Variants in MSI1 observed in about 807,000 individuals in gnomAD.
MSI1 encodes the protein RNA-binding protein Musashi homolog 1.
In MSI1, 15 loss-of-function variants were observed where a neutral mutation model predicts 54.4. The ratio of observed to expected loss-of-function variants is 0.28; its 90% CI spans 0.18 to 0.42. MSI1 has a LOEUF of 0.42. Ranked by LOEUF, MSI1 falls within the 20% of genes least tolerant of loss-of-function variation. MSI1 has a pLI of 1.00. For synonymous variants in MSI1, 200 were observed against 196.5 expected (o/e 1.02, Z -0.15); for missense variants, 304 against 506.0 (o/e 0.60, Z 3.83).
chr12:120,358,900 T>A (rs1179445), intron 7 of MSI1, 105 bp downstream of exon 7: 939,175 of 1,308,314 alleles, frequency 0.72, 338,915 homozygotes, highest in Admixed American at 0.79. Flanking sequence ...ACGCAGATCC[T>A]GGGGGATAGG....
chr12:120,366,017 A>C (rs925262260), intron 4 of MSI1, among the ~76,000 whole-genome samples: 3 of 152,148 alleles, frequency 2.0e-5, no homozygotes, highest in Non-Finnish European at 4.4e-5. Context: ...AGAGGGAAAA[A>C]TCAAGATGCA....
At chr12:120,358,978 T>C in intron 7 of MSI1, 27 bp downstream of exon 7, 1 of 1,563,800 alleles carries the variant, frequency 6.4e-7, no homozygotes, top group Non-Finnish European at 8.7e-7. Context: ...GGGCCCAGCC[T>C]GGGAAGGGGG....
Position 120,363,061 on chromosome 12 carries a change from A to G in MSI1, c.384T>C (p.Tyr128=), listed in dbSNP as rs781722863. The G allele has an allele frequency of 3.1e-6, 5 of 1,614,008 alleles. No individual in the cohort carries two copies. Among genetic ancestry groups the G allele is most frequent in the East Asian group, 2.2e-5 (1 of 44,864 alleles). The change falls in exon 6 of 15, where the codon TAT becomes TAC. Residue 128 remains tyrosine (Y), a synonymous_variant. Transcript: ENST00000257552. ...AACCCACCTTCCCAAACTGCTCAAA[A>G]TATTGCTTCACGTCCTCCACCGTGG... ...VNTTVEDVKQ[Y]FEQFGKVDDA...
In MSI1 at chr12:120,351,413, G is replaced by GT. The variant is rs1874587610; in HGVS notation, c.734-14dup. 6.2e-7 allele frequency: 1 copy of GT among 1,612,878 alleles called. No individual in the cohort carries two copies. Among genetic ancestry groups the GT allele is most frequent in the African/African-American group, 1.3e-5 (1 of 74,864 alleles). On this transcript the variant is annotated splice_polypyrimidine_tract_variant and intron_variant, in intron 10 of 14. Coordinates refer to ENST00000257552, the MANE Select transcript of MSI1 (RefSeq NM_002442.4). ...TCTACACGGAATTCTAAAATGAAAC[G>GT]TAAAACAGCTTAGGAAGAAGCAGGG...
chr12:120,368,733 G>T lies in MSI1; in HGVS notation c.100+100C>A, dbSNP rs1876192895. The T allele has an allele frequency of 9.0e-7, 1 of 1,106,776 alleles. No individual in the cohort carries two copies. Among genetic ancestry groups the T allele is most frequent in the Non-Finnish European group, 1.1e-6 (1 of 874,102 alleles). The allele number at this position is 1,106,776 out of a possible 1,614,324, so 68.6% of individuals were successfully genotyped here. A position where few individuals can be genotyped will look rare whatever the true frequency, so the allele number is the denominator to read the frequency against. On this transcript the variant is annotated intron_variant, in intron 2 of 14. Coordinates refer to ENST00000257552, the MANE Select transcript of MSI1 (RefSeq NM_002442.4). This position sits in a 1 kb window ranked among gnomAD's most constrained non-coding sequence, Gnocchi z 6.6. ...CGAAAGAGGGCGCGAGGGCGCCCGG[G>T]GTCAGCAGGGCGCAGGGCCGGGCTG...
chr12:120,351,218 TC>T, intron 11 of MSI1, 125 bp downstream of exon 11: 2 of 926,668 alleles, frequency 2.2e-6, no homozygotes, highest in Non-Finnish European at 1.7e-6. Flanking sequence ...GTCTGCTGTG[TC>T]CCCACAGCCG....
At chr12:120,360,878 C>G (rs1439217894) in intron 6 of MSI1, among the ~76,000 whole-genome samples, 1 of 150,784 alleles carries the variant, frequency 6.6e-6, no homozygotes, top group East Asian at 1.9e-4. Context: ...TAGTCTTGAA[C>G]TCCCAGGCTC....
chr12:120,358,872 G>T, intron 7 of MSI1, 133 bp downstream of exon 7: 2 of 1,051,294 alleles, frequency 1.9e-6, no homozygotes, highest in Non-Finnish European at 2.8e-6. Context: ...CCTTCTGTAA[G>T]GCCAGGCCTG....
intron 9 of MSI1, among the ~76,000 whole-genome samples, chr12:120,356,344 C>T (rs965306229): frequency 4.6e-5 from 7 of 152,122 alleles, no homozygotes; most frequent in South Asian, 2.1e-4. Context: ...TTCCCCTTCC[C>T]GTCTCTCCAG....
chr12:120,367,570 G>A (rs1341304837), intron 4 of MSI1, among the ~76,000 whole-genome samples: 2 of 152,210 alleles, frequency 1.3e-5, no homozygotes, highest in African/African-American at 2.4e-5. Flanking sequence ...GGGGCTTCAA[G>A]GGATGCTTTG....
intron 10 of MSI1, 56 bp from the exon 11 acceptor site, chr12:120,351,456 G>A: frequency 1.3e-6 from 2 of 1,533,550 alleles, no homozygotes; most frequent in Non-Finnish European, 1.8e-6. Context: ...CTTGGACATG[G>A]CCCAGGGAGG....
intron 7 of MSI1, 63 bp downstream of exon 7, chr12:120,358,942 G>A (rs1264237029): frequency 4.6e-6 from 7 of 1,522,598 alleles, no homozygotes; most frequent in African/African-American, 1.4e-5. Context: ...GGGCAGCTGT[G>A]ACCTGCAGCC....
chr12:120,347,043 G>A (rs1213904306), intron 12 of MSI1, among the ~76,000 whole-genome samples: 3 of 151,960 alleles, frequency 2.0e-5, no homozygotes, highest in Admixed American at 6.6e-5. Flanking sequence ...TCCGCCTCCC[G>A]GGTTCAAGCG....
At chr12:120,354,650 C>G (rs998091536) in intron 9 of MSI1, among the ~76,000 whole-genome samples, 1 of 152,180 alleles carries the variant, frequency 6.6e-6, no homozygotes, top group Non-Finnish European at 1.5e-5. Flanking sequence ...AGGCTGGTCT[C>G]GAACTCCCAA....
chr12:120,365,816 A>C (rs371843423), intron 4 of MSI1, among the ~76,000 whole-genome samples: 2 of 152,160 alleles, frequency 1.3e-5, no homozygotes, highest in Non-Finnish European at 2.9e-5. Flanking sequence ...TTGGTAATGC[A>C]CTCGAACTCT....
Position 120,357,901 on chromosome 12 carries a change from A to G in MSI1, c.452-3T>C, listed in dbSNP as rs200090707. The G allele has an allele frequency of 2.3e-3, 3,690 of 1,614,166 alleles. 22 individuals carry two copies. The highest frequency in any genetic ancestry group is 2.7e-3 in the South Asian group (247 of 91,084). On this transcript the variant is annotated splice_polypyrimidine_tract_variant and splice_region_variant and intron_variant, in intron 7 of 14. Transcript: ENST00000257552. ...CTCAAACGTGACAAACCCGAACCCT[A>G]GAGGTTGGACAAAGGATAAAGGCAA...
In MSI1 at chr12:120,364,689, T is replaced by C. The variant is rs747957039; in HGVS notation, c.309+25A>G. On this transcript the variant is annotated intron_variant, in intron 5 of 14. Transcript: ENST00000257552. The stretch of plus-strand genomic sequence containing the variant: ...CCAGCATTGCCCATAGTAAGAGAGC[T>C]CCTCCCAGACATAGACACACCTACC... 7 of 1,569,718 alleles carry C rather than the reference T, an allele frequency of 4.5e-6. No homozygotes were observed. In the East Asian group the frequency reaches 1.4e-4, roughly 32 times the overall value.
At chr12:120,354,848 C>T (rs1399456059) in intron 9 of MSI1, among the ~76,000 whole-genome samples, 1 of 151,856 alleles carries the variant, frequency 6.6e-6, no homozygotes, top group Admixed American at 6.6e-5. Flanking sequence ...ACTACAATAC[C>T]TGATTCTAGC....
At chr12:120,356,266 GCCTT>G (rs1359460756) in intron 9 of MSI1, among the ~76,000 whole-genome samples, 2 of 152,086 alleles carry the variant, frequency 1.3e-5, no homozygotes, top group Non-Finnish European at 2.9e-5. Context: ...AGACCAGGCA[GCCTT>G]CCTTTTGCCC....
Sources: gnomAD v4.1 joint callset for allele counts (sites outside exome capture counted in the v4.1 genomes callset) on GRCh38, gnomAD v4.1.1 for gene constraint, Gnocchi (gnomAD v3.1) non-coding constraint, MANE v1.5 for transcripts, NCBI Gene and HGNC (gene_info 2026-07-23, HGNC 2026-07-21) for gene names.